CDH12: variants seen among roughly 807,000 people sequenced by gnomAD.
The protein encoded by CDH12 is cadherin-12.
A neutral mutation model predicts 74.1 loss-of-function variants in CDH12; 41 were observed. The ratio of observed to expected loss-of-function variants is 0.55; its 90% CI spans 0.43 to 0.72. The LOEUF (loss-of-function observed/expected upper bound fraction) is 0.72. Among genes scored for constraint, CDH12 ranks in the 30% least tolerant of loss-of-function variants. The pLI is 0.00. For synonymous variants in CDH12, 399 were observed against 355.0 expected, an observed-to-expected ratio of 1.12 and a Z score of -1.39; for missense variants, 945 against 977.2, an observed-to-expected ratio of 0.97 and a Z score of 0.44.
At position 22,500,890 on chromosome 5, in the gene CDH12, A is replaced by G. The variant is rs1406800703; in HGVS notation, c.-428+4380T>C. Reference sequence around the variant, plus strand: ...GATTGTTGTCCCATAGACCATAACCAAGAATTCTCTTCATCACTCCTGCAG... The same window carrying G: ...GATTGTTGTCCCATAGACCATAACCGAGAATTCTCTTCATCACTCCTGCAG... On this transcript the variant is annotated intron_variant, in intron 2 of 14. Transcript: ENST00000382254. 2.6e-5 allele frequency among the ~76,000 whole-genome samples: 4 copies of G among 152,102 alleles called. No homozygotes were observed. The East Asian group carries it at 7.7e-4, about 29-fold the overall frequency.
At chr5:22,717,136 C>T (rs146544263) in intron 1 of CDH12, among the ~76,000 whole-genome samples, 115 of 152,224 alleles carry the variant, frequency 7.6e-4, no homozygotes, top group South Asian at 4.4e-3. Flanking sequence ...GTAGTGTCCA[C>T]GAATGTCCTA....
chr5:22,189,631 G>C (rs1362536729), intron 4 of CDH12, among the ~76,000 whole-genome samples: 1 of 151,972 alleles, frequency 6.6e-6, no homozygotes, highest in East Asian at 1.9e-4. Flanking sequence ...AGCCATAAAT[G>C]GTTCTAATAA....
At chr5:21,853,905 C>A (rs181466389) in intron 7 of CDH12, among the ~76,000 whole-genome samples, 1 of 151,570 alleles carries the variant, frequency 6.6e-6, no homozygotes, top group African/African-American at 2.4e-5. Flanking sequence ...ACAAAATAAC[C>A]ATCGTTGTGG....
intron 1 of CDH12, among the ~76,000 whole-genome samples, chr5:22,733,001 G>C (rs1271645726): frequency 6.6e-6 from 1 of 151,824 alleles, no homozygotes; most frequent in Admixed American, 6.6e-5. Context: ...TTAAGCATTT[G>C]ATGAGCAAAT....
intron 5 of CDH12, among the ~76,000 whole-genome samples, chr5:22,056,069 AT>A (rs1740722444): frequency 6.6e-6 from 1 of 152,096 alleles, no homozygotes. Flanking sequence ...TTTTTAGTAC[AT>A]TTTTTATTGT....
intron 1 of CDH12, among the ~76,000 whole-genome samples, chr5:22,570,992 C>T (rs895003123): frequency 6.6e-6 from 1 of 152,148 alleles, no homozygotes; most frequent in Non-Finnish European, 1.5e-5. Flanking sequence ...TTTTCTTAAA[C>T]TTTGTAAGCC....
chr5:22,456,840 G>A (rs1392993498), intron 2 of CDH12, among the ~76,000 whole-genome samples: 1 of 152,006 alleles, frequency 6.6e-6, no homozygotes, highest in Non-Finnish European at 1.5e-5. Context: ...GACTTAACAG[G>A]GTACAAAGAC....
intron 1 of CDH12, among the ~76,000 whole-genome samples, chr5:22,742,741 T>A (rs1745089769): frequency 6.7e-6 from 1 of 149,712 alleles, no homozygotes; most frequent in South Asian, 2.1e-4. Flanking sequence ...ATTATTTTAC[T>A]ATGTTATATA....
chr5:21,931,449 G>C (rs1754831809), intron 6 of CDH12, among the ~76,000 whole-genome samples: 1 of 152,094 alleles, frequency 6.6e-6, no homozygotes, highest in African/African-American at 2.4e-5. Context: ...TGGAGTTAAG[G>C]TAGCATGAAC....
intron 6 of CDH12, among the ~76,000 whole-genome samples, chr5:21,880,613 T>TCTCTCTCTCTCTC (rs1561268361): frequency 1.1e-5 from 1 of 88,416 alleles, no homozygotes; most frequent in African/African-American, 4.6e-5. Flanking sequence ...CCTTCCTTCC[T>TCTCTCTCTCTCTC]TCCTTCTTTC....
chr5:22,302,242 C>T lies in CDH12; in HGVS notation c.-332-89599G>A, dbSNP rs144816591. ...CTAGTACATCCGCTCTACATACACA[C>T]ACACAGACACATGCATGTACATAGG... On this transcript the variant is annotated intron_variant, in intron 3 of 14. Transcript: ENST00000382254. Among the ~76,000 whole-genome samples the T allele has an allele frequency of 9.1e-3, 1,387 of 152,226 alleles. 76 individuals carry two copies. Among genetic ancestry groups the T allele is most frequent in the Admixed American group, 0.084 (1,279 of 15,272 alleles).
chr5:22,286,953 T>C (rs890766873), intron 3 of CDH12, among the ~76,000 whole-genome samples: 1 of 152,152 alleles, frequency 6.6e-6, no homozygotes, highest in Non-Finnish European at 1.5e-5. Context: ...TCTTTAGACA[T>C]TAAAGATAGG....
intron 1 of CDH12, among the ~76,000 whole-genome samples, chr5:22,687,567 C>T (rs1179324266): frequency 6.6e-6 from 1 of 151,954 alleles, no homozygotes; most frequent in African/African-American, 2.4e-5. Flanking sequence ...GCCACCAATG[C>T]CCAGGACATA....
intron 3 of CDH12, among the ~76,000 whole-genome samples, chr5:22,246,862 T>C (rs1326446897): frequency 2.0e-5 from 3 of 152,182 alleles, no homozygotes; most frequent in Non-Finnish European, 4.4e-5. Flanking sequence ...TCAACTTATC[T>C]ATTCTTAAGC....
At chr5:22,640,788 G>A (rs542891973) in intron 1 of CDH12, among the ~76,000 whole-genome samples, 2 of 152,092 alleles carry the variant, frequency 1.3e-5, no homozygotes, top group African/African-American at 2.4e-5. Context: ...CATTATCCAC[G>A]CATTGTTATG....
At chr5:22,073,892 T>C (rs1742123274) in intron 5 of CDH12, among the ~76,000 whole-genome samples, 1 of 152,106 alleles carries the variant, frequency 6.6e-6, no homozygotes, top group Non-Finnish European at 1.5e-5. Context: ...AATGTGGAGT[T>C]GACAATGGGA....
chr5:22,575,685 C>G (rs912251333), intron 1 of CDH12, among the ~76,000 whole-genome samples: 1 of 152,098 alleles, frequency 6.6e-6, no homozygotes, highest in Non-Finnish European at 1.5e-5. Flanking sequence ...ATCCCTCAGC[C>G]TCCCAAGTAG....
At position 21,955,188 on chromosome 5, in the gene CDH12, G is replaced by A. The variant is rs556052375; in HGVS notation, c.526+19903C>T. 1.2e-4 allele frequency among the ~76,000 whole-genome samples: 18 copies of A among 151,898 alleles called. 1 individual carries two copies. The South Asian group carries it at 3.5e-3, about 30-fold the overall frequency. On this transcript the variant is annotated intron_variant, in intron 6 of 14. Transcript: ENST00000382254. ...TCCATTTTATAAATGAAAAAAAATAGGCACTTGCAAATGTCAGATCACTTG... is the reference window on the plus strand; with the variant it reads ...TCCATTTTATAAATGAAAAAAAATAAGCACTTGCAAATGTCAGATCACTTG...
chr5:22,781,414 C>T (rs543274765), intron 1 of CDH12, among the ~76,000 whole-genome samples: 7 of 152,052 alleles, frequency 4.6e-5, no homozygotes, highest in South Asian at 2.1e-4. Flanking sequence ...AGGCTTTTGC[C>T]GATGCCCCTT....
Sources: allele counts gnomAD v4.1 joint callset (sites outside exome capture counted in the v4.1 genomes callset), GRCh38; gene constraint gnomAD v4.1.1; transcripts MANE v1.5; gene names NCBI Gene and HGNC (gene_info 2026-07-23, HGNC 2026-07-21).